The following HIRA variants were observed in gnomAD, a reference collection of about 807,000 sequenced individuals.
The protein encoded by HIRA is histone cell cycle regulator, also known as protein HIRA.
HIRA carries 13 observed loss-of-function variants against 126.6 expected under a neutral mutation model. The observed-to-expected ratio is 0.10, with a 90% CI of 0.07 to 0.16. The LOEUF (loss-of-function observed/expected upper bound fraction) is 0.16, where lower values mean the gene tolerates loss of function less well. HIRA is among the 10% of genes least tolerant of loss of function. The pLI is 1.00. For synonymous variants in HIRA, 511 were observed against 520.0 expected, an observed-to-expected ratio of 0.98 and a Z score of 0.24; for missense variants, 834 against 1,314.4, an observed-to-expected ratio of 0.63 and a Z score of 5.65.
At chr22:19,397,424 CTGAG>C (rs1361134920) in intron 6 of HIRA, among the ~76,000 whole-genome samples, 1 of 152,236 alleles carries the variant, frequency 6.6e-6, no homozygotes, top group Non-Finnish European at 1.5e-5. Flanking sequence ...CATAGCCAGA[CTGAG>C]TGTTTCCACA....
At chr22:19,418,452 G>A (rs376421869) in intron 1 of HIRA, among the ~76,000 whole-genome samples, 210 of 151,052 alleles carry the variant, frequency 1.4e-3, no homozygotes, top group African/African-American at 4.5e-3. Flanking sequence ...GTGAAACCCC[G>A]TCTCTATTAA....
intron 1 of HIRA, among the ~76,000 whole-genome samples, chr22:19,422,201 T>TATACAC (rs1556028915): frequency 0.47 from 62,186 of 133,206 alleles, 14,070 homozygotes; most frequent in South Asian, 0.58. Flanking sequence ...CACATACACA[T>TATACAC]ATATATATAT....
intron 15 of HIRA, among the ~76,000 whole-genome samples, chr22:19,375,079 G>A (rs138999588): frequency 6.6e-6 from 1 of 152,324 alleles, no homozygotes; most frequent in Non-Finnish European, 1.5e-5. Flanking sequence ...AAGAAATAAA[G>A]AACTACAACC....
At chr22:19,346,092 C>G (rs781891349) in intron 24 of HIRA, among the ~76,000 whole-genome samples, 1 of 152,226 alleles carries the variant, frequency 6.6e-6, no homozygotes, top group Non-Finnish European at 1.5e-5. Flanking sequence ...ATGATGCTCT[C>G]CTAACAAGCC....
chr22:19,359,472 G>A lies in HIRA; in HGVS notation c.2098C>T (p.Pro700Ser), dbSNP rs1169831671. The A allele has an allele frequency of 1.2e-6, 2 of 1,605,786 alleles. No homozygotes were observed. Among genetic ancestry groups the A allele is most frequent in the African/African-American group, 2.7e-5 (2 of 74,670 alleles). ...TTCTCCACCTCAATGTACATGGAAGGATCGGAGCTGACCTGGATGAAGTAA... is the reference window on the plus strand; with the variant it reads ...TTCTCCACCTCAATGTACATGGAAGAATCGGAGCTGACCTGGATGAAGTAA... ...RAFTLQVSSDPSMYIEVENEV... is the reference protein window; with the variant it reads ...RAFTLQVSSDSSMYIEVENEV... Residue 700 changes from proline to serine, a missense_variant, in exon 18 of 25, where the codon CCT becomes TCT. Pro to Ser is a moderately conservative substitution (Grantham distance 74, BLOSUM62 -1). This residue lies in a region of HIRA where 468 missense variants were observed against 574.2 expected (regional missense o/e 0.82). Coordinates refer to ENST00000263208, the MANE Select transcript of HIRA (RefSeq NM_003325.4).
chr22:19,377,759 T>C, intron 14 of HIRA, 110 bp downstream of exon 14: 1 of 1,001,444 alleles, frequency 1.0e-6, no homozygotes, highest in Non-Finnish European at 1.4e-6. Flanking sequence ...TCTTTCTTTT[T>C]TGATTGAAGG....
chr22:19,351,132 A>G lies in HIRA; in HGVS notation c.2937+226T>C. The G allele has an allele frequency of 1.2e-5, 12 of 985,374 alleles. No homozygotes were observed. The highest frequency in any genetic ancestry group is 1.4e-5 in the Non-Finnish European group (12 of 829,904). The allele number at this position is 985,374 out of a possible 1,614,324, so 61.0% of individuals were successfully genotyped here. ...CCCTGCAGGCAGCCTCCCTCAGCAC[A>G]GGCACGTGGCGGAGCACTCCGTGGC... On this transcript the variant is annotated intron_variant, in intron 24 of 24. Transcript: ENST00000263208. This position sits in a 1 kb window ranked among gnomAD's most constrained non-coding sequence, Gnocchi z 4.8.
Position 19,378,378 on chromosome 22 carries a change from A to G in HIRA, c.1416-312T>C, listed in dbSNP as rs569408135. On this transcript the variant is annotated intron_variant, in intron 13 of 24. Transcript: ENST00000263208. Reference sequence around the variant, plus strand: ...TGTGCAAACACATGTCTTAGGAGGAATGAAATGCAGCAATACAGAAAGGGC... The same window carrying G: ...TGTGCAAACACATGTCTTAGGAGGAGTGAAATGCAGCAATACAGAAAGGGC... 3.3e-5 allele frequency among the ~76,000 whole-genome samples: 5 copies of G among 152,362 alleles called. No homozygotes were observed. The South Asian group carries it at 1.0e-3, about 32-fold the overall frequency.
At chr22:19,359,550 C>A in intron 17 of HIRA, 66 bp from the exon 18 acceptor site, 1 of 1,422,604 alleles carries the variant, frequency 7.0e-7, no homozygotes. Context: ...TGCTCCAAGG[C>A]TCTGTAGCCT....
At chr22:19,424,939 G>A (rs2146260182) in intron 1 of HIRA, among the ~76,000 whole-genome samples, 1 of 152,306 alleles carries the variant, frequency 6.6e-6, no homozygotes, top group South Asian at 2.1e-4. Flanking sequence ...CCTGTTCCAA[G>A]CTGGCTTTTA....
At chr22:19,380,975 C>A (rs117568898) in intron 13 of HIRA, among the ~76,000 whole-genome samples, 119 of 152,214 alleles carry the variant, frequency 7.8e-4, no homozygotes, top group Non-Finnish European at 1.3e-3. Context: ...AAAATTCCTA[C>A]GGTTATTTGT....
chr22:19,348,644 C>T (rs1417715104), intron 24 of HIRA, among the ~76,000 whole-genome samples: 3 of 149,174 alleles, frequency 2.0e-5, no homozygotes, highest in Non-Finnish European at 4.5e-5. Flanking sequence ...TACAGGTGCC[C>T]GCCACCATGC....
At chr22:19,367,000 T>A (rs1428246340) in intron 15 of HIRA, among the ~76,000 whole-genome samples, 3 of 152,160 alleles carry the variant, frequency 2.0e-5, no homozygotes, top group Non-Finnish European at 4.4e-5. Flanking sequence ...TGACCTCAGA[T>A]GAACCACCCA....
chr22:19,372,662 C>T (rs1237840367), intron 15 of HIRA, among the ~76,000 whole-genome samples: 1 of 151,690 alleles, frequency 6.6e-6, no homozygotes, highest in Non-Finnish European at 1.5e-5. Context: ...ACCTCTGTCC[C>T]CCGAGTTTAA....
At chr22:19,423,170 T>C (rs2089461534) in intron 1 of HIRA, among the ~76,000 whole-genome samples, 1 of 152,124 alleles carries the variant, frequency 6.6e-6, no homozygotes, top group African/African-American at 2.4e-5. Context: ...TGTTACCTTT[T>C]CACTCAGGCT....
In HIRA at chr22:19,431,486, G is replaced by A. The variant is rs762286527; in HGVS notation, c.-10C>T. ...GCTTCAGGAGCTTCATTGTTCGGCC[G>A]CCGCCGCCGCCGGGCTGAGGCGAGC... On this transcript the variant is annotated 5_prime_UTR_variant, in exon 1 of 25. Transcript: ENST00000263208. 1.9e-6 allele frequency: 3 copies of A among 1,594,890 alleles called. No homozygotes were observed. The highest frequency in any genetic ancestry group is 2.6e-6 in the Non-Finnish European group (3 of 1,171,632).
intron 5 of HIRA, among the ~76,000 whole-genome samples, chr22:19,405,078 T>C (rs576159953): frequency 2.0e-5 from 3 of 152,230 alleles, no homozygotes; most frequent in African/African-American, 4.8e-5. Context: ...GATCCGACTC[T>C]GGCATACCTG....
chr22:19,346,905 T>C (rs1601805450), intron 24 of HIRA, among the ~76,000 whole-genome samples: 1 of 152,224 alleles, frequency 6.6e-6, no homozygotes, highest in East Asian at 1.9e-4. Context: ...TGTTTGGAGT[T>C]GGTAAGAATA....
At chr22:19,361,662 G>A in intron 16 of HIRA, 65 bp downstream of exon 16, 1 of 1,513,240 alleles carries the variant, frequency 6.6e-7, no homozygotes, top group South Asian at 1.1e-5. Flanking sequence ...CATGCACACA[G>A]GGCCTTCAAG....
Sources: allele counts gnomAD v4.1 joint callset (sites outside exome capture counted in the v4.1 genomes callset), GRCh38; gene constraint gnomAD v4.1.1; regional missense constraint gnomAD v4.1.1; non-coding constraint Gnocchi (gnomAD v3.1); transcripts MANE v1.5; gene names NCBI Gene and HGNC (gene_info 2026-07-23, HGNC 2026-07-21).